Variants in RNF38 observed in about 807,000 individuals in gnomAD.
RNF38 encodes the protein E3 ubiquitin-protein ligase RNF38.
In RNF38, 15 loss-of-function variants were observed where a neutral mutation model predicts 67.2. The ratio of observed to expected loss-of-function variants is 0.22; its 90% CI spans 0.15 to 0.34. The LOEUF is 0.34. RNF38 is among the 10% of genes least tolerant of loss of function. The probability of loss-of-function intolerance (pLI) is 1.00; values close to 1 mark genes in which losing one functional copy is unlikely to be tolerated. For synonymous variants in RNF38, 220 were observed against 218.8 expected, an observed-to-expected ratio of 1.01 and a Z score of -0.05; for missense variants, 524 against 639.9, an observed-to-expected ratio of 0.82 and a Z score of 1.95.
chr9:36,422,540 G>A (rs964296677), intron 2 of RNF38, among the ~76,000 whole-genome samples: 2 of 152,194 alleles, frequency 1.3e-5, no homozygotes, highest in Admixed American at 1.3e-4. Flanking sequence ...CTATCTGGCT[G>A]TATTCCCTAA....
At chr9:36,360,952 C>T (rs1400040284) in intron 4 of RNF38, among the ~76,000 whole-genome samples, 1 of 152,008 alleles carries the variant, frequency 6.6e-6, no homozygotes, top group Non-Finnish European at 1.5e-5. Context: ...GCTGGGACTA[C>T]AAGTGCATGC....
At position 36,345,799 on chromosome 9, in the gene RNF38, T is replaced by C. The variant is rs146161000; in HGVS notation, c.1264-846A>G. Among the ~76,000 whole-genome samples, 1,154 of 152,340 alleles carry C rather than the reference T, an allele frequency of 7.6e-3. 16 individuals are homozygous for C. Among genetic ancestry groups the C allele is most frequent in the African/African-American group, 0.026 (1,063 of 41,578 alleles). ...TGGCCTAATATGTCTCAAGACTCTT[T>C]TTCACTCTTAAATTTGAAGAAACCA... On this transcript the variant is annotated intron_variant, in intron 9 of 11. Transcript: ENST00000259605.
intron 1 of RNF38, among the ~76,000 whole-genome samples, chr9:36,478,817 C>CAAAAA: frequency 9.4e-6 from 1 of 106,090 alleles, no homozygotes; most frequent in Non-Finnish European, 2.0e-5. Context: ...AACGCTGTCT[C>CAAAAA]AAAAAAAAAA....
chr9:36,479,299 G>A (rs1321963349), intron 1 of RNF38, among the ~76,000 whole-genome samples: 1 of 152,248 alleles, frequency 6.6e-6, no homozygotes, highest in East Asian at 1.9e-4. Context: ...ATGGTGGAGG[G>A]AGGGTGCCCT....
chr9:36,462,819 C>T (rs989616833), intron 1 of RNF38, among the ~76,000 whole-genome samples: 3 of 151,808 alleles, frequency 2.0e-5, no homozygotes, highest in African/African-American at 4.8e-5. Flanking sequence ...GGACTACAGG[C>T]GGGCACCACC....
chr9:36,471,274 C>A (rs1270835343), intron 1 of RNF38, among the ~76,000 whole-genome samples: 1 of 152,150 alleles, frequency 6.6e-6, no homozygotes, highest in Non-Finnish European at 1.5e-5. Context: ...TCTAAAGCCC[C>A]CTTTCAATTT....
chr9:36,480,937 C>T (rs1470186733), intron 1 of RNF38, among the ~76,000 whole-genome samples: 3 of 151,942 alleles, frequency 2.0e-5, no homozygotes, highest in Admixed American at 6.6e-5. Flanking sequence ...CCAAAACTCA[C>T]AATATCTCAC....
intron 1 of RNF38, among the ~76,000 whole-genome samples, chr9:36,487,028 C>T (rs764975111): frequency 3.9e-5 from 6 of 152,286 alleles, no homozygotes; most frequent in African/African-American, 4.8e-5. Flanking sequence ...TCACTTCCCC[C>T]TCTAAGCCTC....
rs2133283766 is a variant in RNF38 at position 36,338,367 on chromosome 9, T to A, written c.*1385A>T. ...ATACTGCAAGTATTCTGGACACCTG[T>A]TGTATTAAACTTTTCTCATTCAAAC... On this transcript the variant is annotated 3_prime_UTR_variant, in exon 12 of 12. Coordinates refer to ENST00000259605, the MANE Select transcript of RNF38 (RefSeq NM_022781.5). 6.6e-6 allele frequency: 1 copy of A among 152,296 alleles called. No homozygotes were observed. The highest frequency in any genetic ancestry group is 1.5e-5 in the Non-Finnish European group (1 of 68,016). The allele number at this position is 152,296 out of a possible 1,614,324, so 9.4% of individuals were successfully genotyped here.
intron 2 of RNF38, among the ~76,000 whole-genome samples, chr9:36,418,295 C>T (rs1168465164): frequency 6.6e-6 from 1 of 151,888 alleles, no homozygotes; most frequent in African/African-American, 2.4e-5. Flanking sequence ...TTCGGCCTCC[C>T]AAAGTGCTGG....
chr9:36,339,801 C>G lies in RNF38; in HGVS notation c.1499G>C (p.Cys500Ser). The change falls in exon 12 of 12, where the codon TGC (cysteine) becomes TCC (serine). Residue 500 changes from cysteine to serine, a missense_variant. Transcript: ENST00000259605. The stretch of plus-strand genomic sequence containing the variant: ...TGAAGCATCAGCTCGGCAAATTGGG[C>G]AAGTACGATTTGCCTACAAAACAAA... ...VDKWLKANRT[C>S]PICRADASEV... The G allele has an allele frequency of 6.2e-7, 1 of 1,612,836 alleles. No homozygotes were observed. The highest frequency in any genetic ancestry group is 8.5e-7 in the Non-Finnish European group (1 of 1,179,304).
chr9:36,369,476 C>G (rs1216423744), intron 4 of RNF38, among the ~76,000 whole-genome samples: 1 of 152,066 alleles, frequency 6.6e-6, no homozygotes, highest in Non-Finnish European at 1.5e-5. Context: ...CTCAGCCTCC[C>G]AAAGTGCTGG....
rs535230922 is a variant in RNF38, at chr9:36,352,888, G to A, written c.1072-40C>T. 59 of 1,358,840 alleles carry A rather than the reference G, an allele frequency of 4.3e-5. No individual in the cohort carries two copies. In the South Asian group the frequency reaches 6.2e-4, roughly 14 times the overall value. The allele number at this position is 1,358,840 out of a possible 1,614,324, so 84.2% of individuals were successfully genotyped here. A position where few individuals can be genotyped will look rare whatever the true frequency, so the allele number is the denominator to read the frequency against. On this transcript the variant is annotated intron_variant, in intron 7 of 11. Transcript: ENST00000259605. The stretch of plus-strand genomic sequence containing the variant: ...ATGTTAAGATTTAGAATCACTCTAC[G>A]TTTACAAATAGCCTGTCAAATAAAG...
intron 1 of RNF38, among the ~76,000 whole-genome samples, chr9:36,443,420 C>T (rs1256099799): frequency 1.3e-5 from 2 of 152,030 alleles, no homozygotes; most frequent in African/African-American, 4.8e-5. Flanking sequence ...CTGAAAGTTG[C>T]AAGAGTGAGA....
At chr9:36,365,266 T>C (rs1834855888) in intron 4 of RNF38, among the ~76,000 whole-genome samples, 1 of 152,104 alleles carries the variant, frequency 6.6e-6, no homozygotes, top group South Asian at 2.1e-4. Flanking sequence ...AAATCTCTCA[T>C]TTAAATAAGT....
chr9:36,350,361 T>C (rs1424710118), intron 9 of RNF38, among the ~76,000 whole-genome samples: 1 of 152,238 alleles, frequency 6.6e-6, no homozygotes, highest in Non-Finnish European at 1.5e-5. Flanking sequence ...TCACAAGTAC[T>C]GATGCCATAA....
At chr9:36,435,364 A>G (rs1839039351) in intron 1 of RNF38, among the ~76,000 whole-genome samples, 1 of 152,206 alleles carries the variant, frequency 6.6e-6, no homozygotes, top group Non-Finnish European at 1.5e-5. Context: ...GTTGAAATGC[A>G]AGGCAAACAC....
At chr9:36,445,113 G>A (rs114425498) in intron 1 of RNF38, among the ~76,000 whole-genome samples, 5 of 152,212 alleles carry the variant, frequency 3.3e-5, no homozygotes, top group African/African-American at 1.2e-4. Context: ...CGTCTTTTGC[G>A]ATGGGACAGT....
chr9:36,399,488 TATATA>T lies in RNF38; in HGVS notation c.12+604_12+608del, dbSNP rs938252348. On this transcript the variant is annotated intron_variant, in intron 1 of 11. Coordinates refer to ENST00000259605, the MANE Select transcript of RNF38 (RefSeq NM_022781.5). ...GGTGAAATATACCATATTATAAATA[TATATA>T]ATATATTATATAATACCATATTATA... Among the ~76,000 whole-genome samples the T allele has an allele frequency of 9.4e-3, 772 of 82,416 alleles. 1 individual carries two copies. The highest frequency in any genetic ancestry group is 0.012 in the Non-Finnish European group (432 of 37,146). The allele number at this position is 82,416 out of a possible 152,430, so 54.1% of individuals were successfully genotyped here.
Sources: gnomAD v4.1 joint callset for allele counts (sites outside exome capture counted in the v4.1 genomes callset) on GRCh38, gnomAD v4.1.1 for gene constraint, MANE v1.5 for transcripts, NCBI Gene and HGNC (gene_info 2026-07-23, HGNC 2026-07-21) for gene names.